Variants in CDH15 observed in about 807,000 individuals in gnomAD.
CDH15 encodes cadherin 15, also known as cadherin-15.
In CDH15, 73 loss-of-function variants were observed where a neutral mutation model predicts 69.4. The observed-to-expected ratio is 1.05, with a 90% CI of 0.87 to 1.28. The LOEUF is 1.28. CDH15 is among the 50% of genes most tolerant of loss of function. The pLI, the probability that CDH15 is intolerant of heterozygous loss-of-function variation, is 0.00. For missense variants in CDH15, 1,343 were observed against 1,133.6 expected, an observed-to-expected ratio of 1.18 and a Z score of -2.65; for synonymous variants, 624 against 507.7, an observed-to-expected ratio of 1.23 and a Z score of -3.08.
chr16:89,181,891 T>A (rs34284163), intron 3 of CDH15, among the ~76,000 whole-genome samples: 31,447 of 147,622 alleles, frequency 0.21, 3,411 homozygotes, highest in South Asian at 0.28. Flanking sequence ...GTGAGCTGAG[T>A]CCTCGCCACT....
intron 2 of CDH15, among the ~76,000 whole-genome samples, chr16:89,179,915 C>A (rs980548903): frequency 1.3e-5 from 2 of 152,196 alleles, no homozygotes; most frequent in Non-Finnish European, 2.9e-5. Context: ...AACTGCCTTG[C>A]GTGGGCCTCA....
In CDH15 at chr16:89,180,192, C is replaced by T. The variant is rs756226333; in HGVS notation, c.202-8C>T. 6.2e-7 allele frequency: 1 copy of T among 1,610,404 alleles called. No homozygotes were observed. ...CAGCTCTCCCCAAACCCATTTCCTG[C>T]CCCACAGATCAAGTCGGACAAGCAG... On this transcript the variant is annotated splice_polypyrimidine_tract_variant and splice_region_variant and intron_variant, in intron 2 of 13. Coordinates refer to ENST00000289746, the MANE Select transcript of CDH15 (RefSeq NM_004933.3).
chr16:89,187,381 T>A, intron 5 of CDH15, 48 bp from the exon 6 acceptor site: 1 of 1,608,326 alleles, frequency 6.2e-7, no homozygotes, highest in Non-Finnish European at 8.5e-7. Context: ...AGTCCCCATG[T>A]GCCCCACCTG....
chr16:89,191,833 C>T lies in CDH15; in HGVS notation c.1554C>T (p.His518=). The change falls in exon 10 of 14, where the codon CAC becomes CAT. Residue 518 remains histidine, a synonymous_variant. Transcript: ENST00000289746. ...TGCCCCCCCACGGGGCCCCCTTCCA[C>T]TTCCAGCTGAGCCCCAGGCTCCCAG... ...EDLPPHGAPF[H]FQLSPRLPEL... 6.2e-7 allele frequency: 1 copy of T among 1,603,582 alleles called. No homozygotes were observed. Among genetic ancestry groups the T allele is most frequent in the Non-Finnish European group, 8.5e-7 (1 of 1,178,924 alleles).
rs759107779 is a variant in CDH15 at position 89,193,848 on chromosome 16, C to T, written c.2086C>T (p.Leu696=). ...PLRRDAPQGR[L]HPQPPRVLPT... ...TCGCAGAGATGCCCCGCAGGGCCGCCTGCACCCCCAGCCACCCCGAGTGCT... is the reference window on the plus strand; with the variant it reads ...TCGCAGAGATGCCCCGCAGGGCCGCTTGCACCCCCAGCCACCCCGAGTGCT... The change falls in exon 13 of 14, where the codon CTG becomes TTG. Residue 696 remains leucine (L), a synonymous_variant. Transcript: ENST00000289746. 3.1e-6 allele frequency: 5 copies of T among 1,611,610 alleles called. No homozygotes were observed. In the African/African-American group the frequency reaches 4.0e-5, roughly 13 times the overall value.
At chr16:89,181,370 G>C (rs894327506) in intron 3 of CDH15, among the ~76,000 whole-genome samples, 5 of 152,202 alleles carry the variant, frequency 3.3e-5, no homozygotes, top group African/African-American at 7.2e-5. Flanking sequence ...CCAGCACTTC[G>C]GGAGGCTGAG....
In CDH15 at chr16:89,177,153, G is replaced by T. The variant is rs150350538; in HGVS notation, c.43-2263G>T. 3.0e-3 allele frequency among the ~76,000 whole-genome samples: 433 copies of T among 144,950 alleles called. 1 individual carries two copies. The highest frequency in any genetic ancestry group is 0.01 in the African/African-American group (420 of 40,302). ...CCCCTGTCACTGGGACGATGCAGAC[G>T]CCACACCCTCACTACACGTGGTACC... is the stretch of plus-strand genomic sequence containing the variant. On this transcript the variant is annotated intron_variant, in intron 1 of 13. Transcript: ENST00000289746.
chr16:89,194,806 G>T, intron 13 of CDH15, 56 bp from the exon 14 acceptor site: 2 of 1,536,834 alleles, frequency 1.3e-6, no homozygotes, highest in Non-Finnish European at 8.8e-7. Flanking sequence ...TGGCCACGGC[G>T]GTGGGGCACC....
rs537402943 is a variant in CDH15, at chr16:89,180,059, T to C, written c.202-141T>C. The stretch of plus-strand genomic sequence containing the variant: ...GTCCCCAGCCCAGCACAGCTCCTCA[T>C]TGGGTACCAGGATCCGTCCTCCAGT... On this transcript the variant is annotated intron_variant, in intron 2 of 13. Transcript: ENST00000289746. 143 of 917,332 alleles carry C rather than the reference T, an allele frequency of 1.6e-4. 2 individuals carry two copies. Among genetic ancestry groups the C allele is most frequent in the Admixed American group, 3.9e-4 (19 of 48,114 alleles). 56.8% of individuals were successfully genotyped at this position (917,332 alleles called of 1,614,324 possible). A position where few individuals can be genotyped will look rare whatever the true frequency, so the allele number is the denominator to read the frequency against.
intron 12 of CDH15, 46 bp from the exon 13 acceptor site, chr16:89,193,709 G>A: frequency 6.3e-7 from 1 of 1,586,566 alleles, no homozygotes; most frequent in East Asian, 2.3e-5. Flanking sequence ...CCTCCACCAG[G>A]GCCACCCGAG....
Position 89,180,997 on chromosome 16 carries a change from C to CTTTTTTTTTTTTTTTTTTT in CDH15, c.357+644_357+645insTTTTTTTTTTTTTTTTTTT, listed in dbSNP as rs1567771877. On this transcript the variant is annotated intron_variant, in intron 3 of 13. Coordinates refer to ENST00000289746, the MANE Select transcript of CDH15 (RefSeq NM_004933.3). ...ACCTTTTTTTTTTTTTGAGATGGAG[C>CTTTTTTTTTTTTTTTTTTT]TTCACTCTACCGCCCAGGCTGGAGT... Among the ~76,000 whole-genome samples, 22 of 70,040 alleles carry CTTTTTTTTTTTTTTTTTTT rather than the reference C, an allele frequency of 3.1e-4. 1 individual carries two copies. The highest frequency in any genetic ancestry group is 1.3e-3 in the African/African-American group (22 of 16,756). 45.9% of individuals were successfully genotyped at this position (70,040 alleles called of 152,430 possible). A position where few individuals can be genotyped will look rare whatever the true frequency, so the allele number is the denominator to read the frequency against.
At chr16:89,186,511 C>T (rs1405449386) in intron 5 of CDH15, among the ~76,000 whole-genome samples, 3 of 139,788 alleles carry the variant, frequency 2.1e-5, no homozygotes, top group Non-Finnish European at 4.6e-5. Context: ...TAAACGCTTA[C>T]CCAGCGCACA....
intron 8 of CDH15, 36 bp downstream of exon 8, chr16:89,190,532 G>C (rs1475408674): frequency 6.4e-7 from 1 of 1,566,180 alleles, no homozygotes; most frequent in East Asian, 2.3e-5. Flanking sequence ...GGTAGAGGAG[G>C]CTAACGGCCC....
At chr16:89,171,936 C>CAACTGCAGCCGCACAGGTCTCCCCCAG in intron 1 of CDH15, 63 bp downstream of exon 1, 2 of 1,468,918 alleles carry the variant, frequency 1.4e-6, no homozygotes, top group Non-Finnish European at 1.8e-6. Flanking sequence ...ACAGTGTCTT[C>CAACTGCAGCCGCACAGGTCTCCCCCAG]AACTGCAGCC....
In CDH15 at chr16:89,191,680, C is replaced by T. The variant is rs374860017; in HGVS notation, c.1401C>T (p.Gly467=). 9.7e-5 allele frequency: 155 copies of T among 1,598,352 alleles called. No individual in the cohort carries two copies. Among genetic ancestry groups the T allele is most frequent in the Non-Finnish European group, 1.2e-4 (140 of 1,176,866 alleles). ...CCTCCCAGCCCCGCACCGCCACCGG[C>T]ACCCTGTCCATCGAGATCCTGGAGG... ...DDASQPRTAT[G]TLSIEILEVN... is the part of the protein sequence containing the mutation. Residue 467 remains glycine (G), a synonymous_variant, in exon 10 of 14, where the codon GGC becomes GGT. Transcript: ENST00000289746.
chr16:89,183,441 T>TCCAGCTGGAAACA, intron 3 of CDH15, 107 bp from the exon 4 acceptor site: 2 of 1,322,690 alleles, frequency 1.5e-6, no homozygotes, highest in Non-Finnish European at 2.1e-6. Context: ...AGCTGGTGTT[T>TCCAGCTGGAAACA]CCAGCTGGAG....
intron 1 of CDH15, among the ~76,000 whole-genome samples, chr16:89,175,601 C>G (rs948944738): frequency 6.6e-6 from 1 of 152,204 alleles, no homozygotes; most frequent in African/African-American, 2.4e-5. Context: ...TGCCCAGCCA[C>G]GGCCGGAAAC....
Position 89,191,962 on chromosome 16 carries a change from G to GAC in CDH15, c.1615+69_1615+70dup. 7 of 1,441,666 alleles carry GAC rather than the reference G, an allele frequency of 4.9e-6. No homozygotes were observed. The South Asian group carries it at 9.0e-5, about 19-fold the overall frequency. The allele number at this position is 1,441,666 out of a possible 1,614,324, so 89.3% of individuals were successfully genotyped here. ...CCCCCACCCCCACATTCCGGCCTCG[G>GAC]ACGGGGGCAGGAGGGTGAGGGGCAT... On this transcript the variant is annotated intron_variant, in intron 10 of 13. Coordinates refer to ENST00000289746, the MANE Select transcript of CDH15 (RefSeq NM_004933.3).
intron 1 of CDH15, among the ~76,000 whole-genome samples, chr16:89,173,674 C>T (rs534013740): frequency 3.7e-4 from 57 of 152,324 alleles, no homozygotes; most frequent in African/African-American, 1.3e-3. Context: ...GGTCCTGGGC[C>T]GCCTCCTGGT....
Sources: gnomAD v4.1 joint callset for allele counts (sites outside exome capture counted in the v4.1 genomes callset) on GRCh38, gnomAD v4.1.1 for gene constraint, MANE v1.5 for transcripts, NCBI Gene and HGNC (gene_info 2026-07-23, HGNC 2026-07-21) for gene names.